Variants in ARHGAP24 observed in about 807,000 individuals in gnomAD.
The protein encoded by ARHGAP24 is Rho GTPase activating protein 24.
ARHGAP24 carries 50 observed loss-of-function variants against 76.4 expected under a neutral mutation model. The ratio of observed to expected loss-of-function variants is 0.65; its 90% CI spans 0.52 to 0.83. The LOEUF (loss-of-function observed/expected upper bound fraction) is 0.83, where lower values mean the gene tolerates loss of function less well. ARHGAP24 is among the 40% of genes least tolerant of loss of function. ARHGAP24 has a pLI of 0.00. For synonymous variants in ARHGAP24, 345 were observed against 323.3 expected, an observed-to-expected ratio of 1.07 and a Z score of -0.72; for missense variants, 930 against 914.2, an observed-to-expected ratio of 1.02 and a Z score of -0.22.
At chr4:85,937,944 T>A (rs1052120145) in intron 4 of ARHGAP24, among the ~76,000 whole-genome samples, 2 of 152,192 alleles carry the variant, frequency 1.3e-5, no homozygotes, top group Non-Finnish European at 2.9e-5. Context: ...TTTAGATTCA[T>A]CTTTGCTTAT....
At chr4:85,522,851 C>T (rs1029558633) in intron 1 of ARHGAP24, among the ~76,000 whole-genome samples, 14 of 152,144 alleles carry the variant, frequency 9.2e-5, no homozygotes, top group Non-Finnish European at 1.9e-4. Context: ...CATGATTTGC[C>T]CCCACTTCAA....
At chr4:85,569,688 TTTTG>T (rs887532923) in intron 1 of ARHGAP24, among the ~76,000 whole-genome samples, 1 of 152,128 alleles carries the variant, frequency 6.6e-6, no homozygotes, top group African/African-American at 2.4e-5. Context: ...AAGCAGGTGT[TTTTG>T]TTTGTTTGTT....
chr4:85,495,485 G>A (rs1213732732), intron 1 of ARHGAP24, among the ~76,000 whole-genome samples: 1 of 149,934 alleles, frequency 6.7e-6, no homozygotes, highest in Admixed American at 6.7e-5. Flanking sequence ...CGAGTAGCTG[G>A]GACTACAGGC....
chr4:85,551,003 C>T (rs974145892), intron 1 of ARHGAP24, among the ~76,000 whole-genome samples: 1 of 55,028 alleles, frequency 1.8e-5, no homozygotes, highest in African/African-American at 4.1e-5. Context: ...GTCTCTCTTA[C>T]TATCTAGATA....
At chr4:85,738,796 G>A (rs755643329) in intron 3 of ARHGAP24, among the ~76,000 whole-genome samples, 21 of 152,286 alleles carry the variant, frequency 1.4e-4, no homozygotes, top group Admixed American at 3.3e-4. Flanking sequence ...CCAGCACCAC[G>A]TGTTGAACAC....
At chr4:85,723,219 T>C (rs1725026666) in intron 3 of ARHGAP24, 1 of 152,244 alleles carries the variant, frequency 6.6e-6, no homozygotes, top group African/African-American at 2.4e-5. Context: ...ATAGCGCATG[T>C]TGGCTTTTAA....
chr4:85,696,832 A>G (rs545618487), intron 2 of ARHGAP24, among the ~76,000 whole-genome samples: 4 of 152,330 alleles, frequency 2.6e-5, no homozygotes, highest in African/African-American at 7.2e-5. Flanking sequence ...CTTATATGAA[A>G]GGACACCATG....
intron 3 of ARHGAP24, among the ~76,000 whole-genome samples, chr4:85,803,074 T>A (rs1259919086): frequency 2.0e-5 from 3 of 152,254 alleles, no homozygotes; most frequent in Non-Finnish European, 4.4e-5. Context: ...AAATAATTGA[T>A]GAAGCTAAAA....
chr4:85,779,827 A>G (rs144591835), intron 3 of ARHGAP24, among the ~76,000 whole-genome samples: 1,684 of 152,316 alleles, frequency 0.011, 13 homozygotes, highest in Non-Finnish European at 0.017. Context: ...GCTGGTATAT[A>G]ATATTTGCTG....
At chr4:85,568,285 T>C (rs899370963) in intron 1 of ARHGAP24, among the ~76,000 whole-genome samples, 3 of 149,342 alleles carry the variant, frequency 2.0e-5, no homozygotes, top group African/African-American at 7.4e-5. Context: ...CAATGAATTC[T>C]AGATTTGTGT....
At chr4:85,500,121 A>G (rs918509268) in intron 1 of ARHGAP24, among the ~76,000 whole-genome samples, 1 of 152,206 alleles carries the variant, frequency 6.6e-6, no homozygotes, top group Non-Finnish European at 1.5e-5. Flanking sequence ...GTATGTTTAC[A>G]TGTTGCAATG....
intron 3 of ARHGAP24, among the ~76,000 whole-genome samples, chr4:85,829,914 T>A (rs1371073945): frequency 6.6e-6 from 1 of 152,166 alleles, no homozygotes; most frequent in Non-Finnish European, 1.5e-5. Flanking sequence ...AGTGTCTGTG[T>A]TTGTTCTTTA....
intron 4 of ARHGAP24, among the ~76,000 whole-genome samples, chr4:85,939,896 G>A (rs1444882840): frequency 6.1e-5 from 7 of 114,522 alleles, no homozygotes; most frequent in African/African-American, 2.9e-4. Flanking sequence ...AGCAAAAATC[G>A]AAAGTAAAAA....
At chr4:85,655,822 G>GAGAGAGAA (rs1553920547) in intron 2 of ARHGAP24, among the ~76,000 whole-genome samples, 91 of 107,860 alleles carry the variant, frequency 8.4e-4, no homozygotes, top group African/African-American at 3.3e-3. Flanking sequence ...GAGAGAAAGA[G>GAGAGAGAA]AGAGAGAGAG....
At chr4:85,496,479 G>A (rs146146083) in intron 1 of ARHGAP24, among the ~76,000 whole-genome samples, 245 of 152,322 alleles carry the variant, frequency 1.6e-3, no homozygotes, top group African/African-American at 5.7e-3. Flanking sequence ...ACTCTTCTCT[G>A]AAGAAATATA....
chr4:85,920,703 T>C (rs1278480691), intron 3 of ARHGAP24, among the ~76,000 whole-genome samples: 2 of 151,990 alleles, frequency 1.3e-5, no homozygotes, highest in African/African-American at 4.8e-5. Flanking sequence ...CATTAAAAAG[T>C]GGTCAAAGGA....
intron 2 of ARHGAP24, among the ~76,000 whole-genome samples, chr4:85,648,493 A>G (rs1721809934): frequency 2.6e-5 from 4 of 152,082 alleles, no homozygotes. Flanking sequence ...GGATATTTAC[A>G]TATATATTAT....
At chr4:85,591,759 T>C (rs1163281845) in intron 2 of ARHGAP24, among the ~76,000 whole-genome samples, 1 of 152,212 alleles carries the variant, frequency 6.6e-6, no homozygotes. Context: ...GAAGTGGATT[T>C]AGAGTTCTGG....
intron 1 of ARHGAP24, among the ~76,000 whole-genome samples, chr4:85,567,876 T>G (rs1198194199): frequency 3.3e-5 from 5 of 152,238 alleles, no homozygotes; most frequent in Non-Finnish European, 5.9e-5. Flanking sequence ...GTTGTGGCAT[T>G]TTTTCCCTTA....
Sources: gnomAD v4.1 joint callset for allele counts (sites outside exome capture counted in the v4.1 genomes callset) on GRCh38, gnomAD v4.1.1 for gene constraint, MANE v1.5 for transcripts, NCBI Gene and HGNC (gene_info 2026-07-23, HGNC 2026-07-21) for gene names.